Variants in SNX25 observed in about 807,000 individuals in gnomAD.
SNX25 encodes the protein sorting nexin 25.
A neutral mutation model predicts 113.7 loss-of-function variants in SNX25; 62 were observed. The observed-to-expected ratio is 0.55, with a 90% CI of 0.44 to 0.67. The LOEUF (loss-of-function observed/expected upper bound fraction) is 0.67, where lower values mean the gene tolerates loss of function less well. SNX25 is among the 30% of genes least tolerant of loss of function. The probability of loss-of-function intolerance (pLI) is 0.00; values close to 1 mark genes in which losing one functional copy is unlikely to be tolerated. For synonymous variants in SNX25, 421 were observed against 436.2 expected, an observed-to-expected ratio of 0.97 and a Z score of 0.43; for missense variants, 1,014 against 1,161.0, an observed-to-expected ratio of 0.87 and a Z score of 1.84.
chr4:185,319,368 T>C (rs1271843436), intron 7 of SNX25, among the ~76,000 whole-genome samples: 2 of 150,002 alleles, frequency 1.3e-5, no homozygotes, highest in African/African-American at 4.9e-5. Flanking sequence ...CAGCTAATTT[T>C]TTTTATTTTT....
intron 6 of SNX25, among the ~76,000 whole-genome samples, chr4:185,306,593 A>G (rs1251774348): frequency 1.3e-5 from 2 of 152,126 alleles, no homozygotes; most frequent in Admixed American, 6.5e-5. Flanking sequence ...TTTCTCCTAT[A>G]TTTCTCTCTC....
intron 2 of SNX25, among the ~76,000 whole-genome samples, chr4:185,257,469 C>A (rs1295392337): frequency 1.3e-5 from 2 of 151,972 alleles, no homozygotes; most frequent in East Asian, 3.9e-4. Flanking sequence ...ATTGAGATTA[C>A]TGAAAGAATA....
intron 1 of SNX25, among the ~76,000 whole-genome samples, chr4:185,213,191 T>C (rs1738212452): frequency 6.6e-6 from 1 of 152,226 alleles, no homozygotes; most frequent in South Asian, 2.1e-4. Flanking sequence ...GCTCAAGAAG[T>C]GTTCGCTGAT....
chr4:185,356,105 T>C (rs927693704), intron 15 of SNX25, among the ~76,000 whole-genome samples: 1 of 152,190 alleles, frequency 6.6e-6, no homozygotes, highest in Non-Finnish European at 1.5e-5. Flanking sequence ...CAGCTGCCTC[T>C]GTGGCTTTGA....
intron 9 of SNX25, among the ~76,000 whole-genome samples, chr4:185,330,466 T>A (rs978622503): frequency 1.3e-5 from 2 of 152,214 alleles, no homozygotes; most frequent in African/African-American, 4.8e-5. Context: ...GCGGTGCTTG[T>A]CCAAGATGGC....
upstream of SNX25, among the ~76,000 whole-genome samples, chr4:185,207,967 G>A (rs769003619): frequency 6.6e-6 from 1 of 152,174 alleles, no homozygotes; most frequent in Non-Finnish European, 1.5e-5. Flanking sequence ...CATAGATTTG[G>A]TTGTTGTTGA....
Sources: allele counts gnomAD v4.1 joint callset (sites outside exome capture counted in the v4.1 genomes callset), GRCh38; gene constraint gnomAD v4.1.1; transcripts MANE v1.5; gene names NCBI Gene and HGNC (gene_info 2026-07-23, HGNC 2026-07-21).